Variants in REDIC1 observed in about 807,000 individuals in gnomAD.
REDIC1 encodes the protein HEI10 Interacting Protein 1.
At chr12:39,747,511 T>C in the REDIC1 span, among the ~76,000 whole-genome samples, 2 of 152,208 alleles carry the variant, frequency 1.3e-5, no homozygotes, top group African/African-American at 4.8e-5. Flanking sequence ...TGCAGGATAT[T>C]ATCCAGAAGA....
chr12:39,760,973 C>CACACACACAT, the REDIC1 span, among the ~76,000 whole-genome samples: 1 of 151,216 alleles, frequency 6.6e-6, no homozygotes, highest in African/African-American at 2.4e-5. Context: ...CACACACACA[C>CACACACACAT]ATAATTGAAT....
chr12:39,853,607 CT>C, the REDIC1 span, among the ~76,000 whole-genome samples: 50 of 136,062 alleles, frequency 3.7e-4, no homozygotes, highest in Admixed American at 3.7e-4. Context: ...TTCTTTCTTT[CT>C]TTTTTTTTTT....
the REDIC1 span, among the ~76,000 whole-genome samples, chr12:39,738,579 T>G: frequency 6.6e-6 from 1 of 152,140 alleles, no homozygotes; most frequent in African/African-American, 2.4e-5. Flanking sequence ...GAAGGTGGAG[T>G]CTAATAGAAG....
the REDIC1 span, chr12:39,684,162 T>C: frequency 9.8e-7 from 1 of 1,022,678 alleles, no homozygotes; most frequent in East Asian, 1.0e-4. Context: ...ATTTTTACAC[T>C]CATCCATTAT....
the REDIC1 span, among the ~76,000 whole-genome samples, chr12:39,711,909 G>A: frequency 1.6e-4 from 18 of 110,850 alleles, no homozygotes; most frequent in African/African-American, 6.1e-4. Flanking sequence ...GTATACACAT[G>A]TATATACACA....
the REDIC1 span, among the ~76,000 whole-genome samples, chr12:39,711,854 T>G: frequency 3.6e-4 from 28 of 76,834 alleles, no homozygotes; most frequent in Admixed American, 2.1e-3. Flanking sequence ...CACATGCATG[T>G]GTATGTGTAT....
At chr12:39,822,038 T>C in the REDIC1 span, among the ~76,000 whole-genome samples, 1 of 151,118 alleles carries the variant, frequency 6.6e-6, no homozygotes, top group Non-Finnish European at 1.5e-5. Context: ...CATCTAGCAT[T>C]AGGTATATCT....
chr12:39,628,544 AC>A, the REDIC1 span, among the ~76,000 whole-genome samples: 3 of 152,220 alleles, frequency 2.0e-5, no homozygotes, highest in Admixed American at 2.0e-4. Flanking sequence ...ACTGTTAGGA[AC>A]TTAAAATATA....
At chr12:39,796,607 A>T in the REDIC1 span, among the ~76,000 whole-genome samples, 1 of 152,074 alleles carries the variant, frequency 6.6e-6, no homozygotes, top group Non-Finnish European at 1.5e-5. Flanking sequence ...TAGAAAGTAT[A>T]ATACCCTAGT....
At chr12:39,743,127 G>A in the REDIC1 span, among the ~76,000 whole-genome samples, 1 of 152,146 alleles carries the variant, frequency 6.6e-6, no homozygotes, top group African/African-American at 2.4e-5. Context: ...ATATGCCAGA[G>A]CATTCTGTTC....
the REDIC1 span, among the ~76,000 whole-genome samples, chr12:39,818,319 A>G: frequency 1.1e-4 from 8 of 73,098 alleles, no homozygotes; most frequent in East Asian, 5.5e-4. Flanking sequence ...GACATTAAAT[A>G]CTGATCGGTA....
At chr12:39,660,500 CT>C in the REDIC1 span, among the ~76,000 whole-genome samples, 2 of 152,034 alleles carry the variant, frequency 1.3e-5, no homozygotes, top group African/African-American at 4.8e-5. Flanking sequence ...ATATTTTGTT[CT>C]TTTTTTTTAA....
chr12:39,904,885 G>A, the REDIC1 span, among the ~76,000 whole-genome samples: 7 of 152,118 alleles, frequency 4.6e-5, no homozygotes, highest in South Asian at 2.1e-4. Flanking sequence ...GCATTGCCTC[G>A]TCATTGTGTA....
the REDIC1 span, among the ~76,000 whole-genome samples, chr12:39,719,458 C>T: frequency 3.3e-5 from 5 of 151,780 alleles, no homozygotes; most frequent in Non-Finnish European, 7.4e-5. Flanking sequence ...AAAACAAATA[C>T]AAAAAATTAG....
At chr12:39,640,477 CTGATA>C in the REDIC1 span, among the ~76,000 whole-genome samples, 1 of 151,838 alleles carries the variant, frequency 6.6e-6, no homozygotes, top group African/African-American at 2.4e-5. Context: ...GTACATATGG[CTGATA>C]TATTAACGTA....
chr12:39,777,160 C>T, the REDIC1 span, among the ~76,000 whole-genome samples: 1 of 152,188 alleles, frequency 6.6e-6, no homozygotes, highest in African/African-American at 2.4e-5. Context: ...GGTTCACTTT[C>T]CTTTCTTCCC....
the REDIC1 span, among the ~76,000 whole-genome samples, chr12:39,693,633 C>T: frequency 6.6e-6 from 1 of 151,994 alleles, no homozygotes; most frequent in South Asian, 2.1e-4. Flanking sequence ...GGTATTTCTT[C>T]ATCCTTATGA....
At chr12:39,895,489 C>CA in the REDIC1 span, among the ~76,000 whole-genome samples, 10 of 36,740 alleles carry the variant, frequency 2.7e-4, no homozygotes, top group African/African-American at 6.4e-4. Flanking sequence ...GACTCTGTCT[C>CA]AAAAAAAAAA....
the REDIC1 span, chr12:39,683,238 GT>G: frequency 7.8e-7 from 1 of 1,280,600 alleles, no homozygotes; most frequent in Non-Finnish European, 1.1e-6. Flanking sequence ...CTATATATTT[GT>G]ATGTGTGTTT....
Sources: gnomAD v4.1 joint callset for allele counts (sites outside exome capture counted in the v4.1 genomes callset) on GRCh38, gnomAD v4.1.1 for gene constraint, MANE v1.5 for transcripts, NCBI Gene and HGNC (gene_info 2026-07-23, HGNC 2026-07-21) for gene names.